The following TRAPPC9 variants were observed in gnomAD, a reference collection of about 807,000 sequenced individuals.
TRAPPC9 encodes trafficking protein particle complex subunit 9.
In TRAPPC9, 83 loss-of-function variants were observed where a neutral mutation model predicts 124.0. The ratio of observed to expected loss-of-function variants is 0.67; its 90% CI spans 0.56 to 0.80. TRAPPC9 has a LOEUF of 0.80. TRAPPC9 is among the 30% of genes least tolerant of loss of function. The pLI is 0.00. For synonymous variants in TRAPPC9, 638 were observed against 617.5 expected (o/e 1.03, Z -0.49); for missense variants, 1,302 against 1,508.3 (o/e 0.86, Z 2.27).
intron 17 of TRAPPC9, among the ~76,000 whole-genome samples, chr8:140,061,157 T>A (rs114866594): frequency 0.01 from 1,571 of 152,256 alleles, 26 homozygotes; most frequent in African/African-American, 0.036. Flanking sequence ...TGGGGAGCCA[T>A]TGGAAGATTT....
At chr8:140,314,180 T>C (rs1344560039) in intron 9 of TRAPPC9, among the ~76,000 whole-genome samples, 1 of 152,250 alleles carries the variant, frequency 6.6e-6, no homozygotes, top group African/African-American at 2.4e-5. Context: ...AGTCTTTCCC[T>C]TTATTTACTG....
At chr8:140,041,183 A>C (rs1036565927) in intron 17 of TRAPPC9, 1 of 152,200 alleles carries the variant, frequency 6.6e-6, no homozygotes, top group Admixed American at 6.5e-5. Flanking sequence ...CCTCTCTCTG[A>C]CAGTTTCCAT....
intron 10 of TRAPPC9, among the ~76,000 whole-genome samples, 180 bp downstream of exon 10, chr8:140,311,064 ACTCT>A (rs1201087809): frequency 1.3e-5 from 2 of 152,060 alleles, no homozygotes; most frequent in African/African-American, 4.8e-5. Context: ...GCTGGCCCTG[ACTCT>A]CTCATCTCTA....
At chr8:140,174,416 C>T (rs1193131495) in intron 17 of TRAPPC9, among the ~76,000 whole-genome samples, 1 of 152,178 alleles carries the variant, frequency 6.6e-6, no homozygotes, top group African/African-American at 2.4e-5. Flanking sequence ...GTATAATTCA[C>T]ACGCCATAAA....
At chr8:140,152,325 C>A (rs1224064234) in intron 17 of TRAPPC9, among the ~76,000 whole-genome samples, 4 of 146,660 alleles carry the variant, frequency 2.7e-5, no homozygotes, top group Non-Finnish European at 6.0e-5. Context: ...ATGCATTGAA[C>A]CTGTAAATCA....
chr8:139,969,955 A>G lies in TRAPPC9; in HGVS notation c.2810+18771T>C, dbSNP rs375379112. ...CTTTGCTCTATGACACTGTCTTGTT[A>G]TCCAAGTTTCCAGCCAGTTTTCCAC... On this transcript the variant is annotated intron_variant, in intron 19 of 22. Coordinates refer to ENST00000438773, the MANE Select transcript of TRAPPC9 (RefSeq NM_001160372.4). 2.0e-4 allele frequency among the ~76,000 whole-genome samples: 30 copies of G among 152,340 alleles called. No individual in the cohort carries two copies. The East Asian group carries it at 2.1e-3, about 11-fold the overall frequency.
At chr8:139,869,999 T>C in intron 21 of TRAPPC9, among the ~76,000 whole-genome samples, 1 of 152,198 alleles carries the variant, frequency 6.6e-6, no homozygotes, top group East Asian at 1.9e-4. Context: ...CACAGGTAGA[T>C]ATTTAGAAAG....
At chr8:139,887,915 C>T (rs1331658139) in intron 20 of TRAPPC9, among the ~76,000 whole-genome samples, 2 of 152,216 alleles carry the variant, frequency 1.3e-5, no homozygotes, top group Non-Finnish European at 1.5e-5. Context: ...GCAGAGGCCA[C>T]GCCTCATTCA....
intron 17 of TRAPPC9, among the ~76,000 whole-genome samples, chr8:140,138,623 T>C (rs1563790455): frequency 6.6e-6 from 1 of 152,184 alleles, no homozygotes; most frequent in South Asian, 2.1e-4. Flanking sequence ...CTTCTGTCTC[T>C]GGGTTGATGC....
chr8:139,836,238 A>G (rs939024604), intron 21 of TRAPPC9, among the ~76,000 whole-genome samples: 1 of 151,984 alleles, frequency 6.6e-6, no homozygotes, highest in African/African-American at 2.4e-5. Context: ...CGAATTCCTG[A>G]CCTCAGGTGA....
intron 17 of TRAPPC9, among the ~76,000 whole-genome samples, chr8:140,084,530 A>T (rs1844059381): frequency 6.6e-6 from 1 of 152,200 alleles, no homozygotes. Context: ...GATCTGACCC[A>T]AGCCTACCTT....
At chr8:140,134,412 C>CT (rs1458541417) in intron 17 of TRAPPC9, among the ~76,000 whole-genome samples, 1 of 152,100 alleles carries the variant, frequency 6.6e-6, no homozygotes, top group Admixed American at 6.6e-5. Flanking sequence ...ATTACAGGTG[C>CT]TTGTCACCGT....
chr8:140,126,201 T>C (rs929534204), intron 17 of TRAPPC9, among the ~76,000 whole-genome samples: 4 of 152,076 alleles, frequency 2.6e-5, no homozygotes, highest in Non-Finnish European at 5.9e-5. Context: ...GCAAAGCTGC[T>C]CTTAGCTCTT....
chr8:140,278,242 T>C (rs1412754522), intron 14 of TRAPPC9, among the ~76,000 whole-genome samples: 1 of 152,178 alleles, frequency 6.6e-6, no homozygotes, highest in Non-Finnish European at 1.5e-5. Flanking sequence ...TAGCTGGGAT[T>C]ACAGGCTCAT....
intron 17 of TRAPPC9, among the ~76,000 whole-genome samples, chr8:140,036,679 G>T (rs560896014): frequency 6.6e-6 from 1 of 152,084 alleles, no homozygotes; most frequent in Admixed American, 6.5e-5. Context: ...CTGAAGAGAC[G>T]TGGCTCACAG....
At chr8:139,768,916 A>G (rs1235250603) in intron 21 of TRAPPC9, among the ~76,000 whole-genome samples, 3 of 152,208 alleles carry the variant, frequency 2.0e-5, no homozygotes, top group Admixed American at 6.5e-5. Flanking sequence ...GACTGGTGTC[A>G]TTATAAGAGG....
intron 21 of TRAPPC9, among the ~76,000 whole-genome samples, chr8:139,873,469 C>T (rs546326676): frequency 5.9e-5 from 9 of 152,204 alleles, no homozygotes; most frequent in South Asian, 2.1e-4. Flanking sequence ...GAGTGAGTGC[C>T]GGGGGTAAGC....
intron 21 of TRAPPC9, among the ~76,000 whole-genome samples, chr8:139,863,923 C>T (rs1189187531): frequency 1.3e-5 from 2 of 152,202 alleles, no homozygotes; most frequent in Non-Finnish European, 2.9e-5. Flanking sequence ...CTGACATCAC[C>T]CAGGATGGCC....
At chr8:140,443,212 G>T (rs2071100486) in intron 2 of TRAPPC9, among the ~76,000 whole-genome samples, 2 of 149,596 alleles carry the variant, frequency 1.3e-5, no homozygotes, top group Non-Finnish European at 3.0e-5. Flanking sequence ...AAGGCGGGCA[G>T]ATCACAAAGT....
Sources: gnomAD v4.1 joint callset for allele counts (sites outside exome capture counted in the v4.1 genomes callset) on GRCh38, gnomAD v4.1.1 for gene constraint, MANE v1.5 for transcripts, NCBI Gene and HGNC (gene_info 2026-07-23, HGNC 2026-07-21) for gene names.